Variants in GPC6 observed in about 807,000 individuals in gnomAD.
GPC6 encodes the protein glypican 6.
In GPC6, 14 loss-of-function variants were observed where a neutral mutation model predicts 55.2. That is an observed-to-expected ratio of 0.25 (90% CI 0.17 to 0.40). GPC6 has a LOEUF of 0.40. GPC6 is among the 10% of genes least tolerant of loss of function. The pLI is 1.00. For missense variants in GPC6, 641 were observed against 708.5 expected, an observed-to-expected ratio of 0.90 and a Z score of 1.08; for synonymous variants, 278 against 259.6, an observed-to-expected ratio of 1.07 and a Z score of -0.68.
At chr13:94,153,752 T>C (rs1887828285) in intron 4 of GPC6, among the ~76,000 whole-genome samples, 1 of 152,194 alleles carries the variant, frequency 6.6e-6, no homozygotes, top group Non-Finnish European at 1.5e-5. Flanking sequence ...CCGCATTACT[T>C]GGGAGCTTGT....
intron 2 of GPC6, among the ~76,000 whole-genome samples, chr13:93,674,929 A>G (rs1881525694): frequency 6.6e-6 from 1 of 152,176 alleles, no homozygotes; most frequent in South Asian, 2.1e-4. Context: ...TGTTAATTCA[A>G]AGTCTAAAAA....
At chr13:93,665,281 A>G (rs1881086744) in intron 2 of GPC6, among the ~76,000 whole-genome samples, 3 of 152,244 alleles carry the variant, frequency 2.0e-5, no homozygotes, top group Admixed American at 2.0e-4. Flanking sequence ...CATGCAAAAT[A>G]ATTGAACTGA....
upstream of GPC6, among the ~76,000 whole-genome samples, chr13:93,224,059 C>G (rs1422986894): frequency 1.3e-5 from 2 of 151,922 alleles, no homozygotes; most frequent in Non-Finnish European, 1.5e-5. Flanking sequence ...CCACCACACC[C>G]GTCTAATTTT....
chr13:93,776,157 A>G (rs1241240902), intron 2 of GPC6, among the ~76,000 whole-genome samples: 2 of 151,976 alleles, frequency 1.3e-5, no homozygotes, highest in Non-Finnish European at 2.9e-5. Context: ...CTACATAAAA[A>G]TAGTACAATC....
chr13:93,553,694 CAAA>C (rs34521652), intron 2 of GPC6, among the ~76,000 whole-genome samples: 7 of 56,662 alleles, frequency 1.2e-4, no homozygotes, highest in African/African-American at 3.4e-4. Flanking sequence ...GACTCCATCT[CAAA>C]AAAAAAAAAA....
intron 2 of GPC6, among the ~76,000 whole-genome samples, chr13:93,710,712 T>A (rs1883025986): frequency 7.0e-6 from 1 of 143,284 alleles, no homozygotes; most frequent in Admixed American, 7.0e-5. Flanking sequence ...AAAAATATGG[T>A]CTGTATGAAG....
At chr13:93,701,035 G>C (rs776687409) in intron 2 of GPC6, among the ~76,000 whole-genome samples, 1 of 152,054 alleles carries the variant, frequency 6.6e-6, no homozygotes, top group African/African-American at 2.4e-5. Flanking sequence ...AAGTGCAAAT[G>C]TTAGAAATTA....
chr13:93,883,566 A>T (rs1392147791), intron 3 of GPC6, among the ~76,000 whole-genome samples: 2 of 151,946 alleles, frequency 1.3e-5, no homozygotes, highest in Admixed American at 1.3e-4. Flanking sequence ...GATGTTGAGC[A>T]TTTTTTCATA....
intron 1 of GPC6, among the ~76,000 whole-genome samples, chr13:93,368,531 A>T (rs897296926): frequency 6.6e-6 from 1 of 151,916 alleles, no homozygotes; most frequent in African/African-American, 2.4e-5. Flanking sequence ...AAAGACATGG[A>T]TTTCATTTAT....
intron 4 of GPC6, among the ~76,000 whole-genome samples, chr13:94,157,593 C>T (rs139539105): frequency 9.1e-4 from 139 of 152,272 alleles, no homozygotes; most frequent in Middle Eastern, 3.4e-3. Context: ...GAAATAACTA[C>T]GGCTGGAAAA....
At chr13:93,908,412 T>G (rs188197613) in intron 3 of GPC6, among the ~76,000 whole-genome samples, 1 of 152,344 alleles carries the variant, frequency 6.6e-6, no homozygotes, top group East Asian at 1.9e-4. Flanking sequence ...ACAGGTCATG[T>G]ACTGACTAAA....
intron 2 of GPC6, among the ~76,000 whole-genome samples, chr13:93,741,326 A>G (rs1884194202): frequency 6.6e-6 from 1 of 151,934 alleles, no homozygotes; most frequent in Non-Finnish European, 1.5e-5. Context: ...TGTGTTAGCC[A>G]GGATGGTCTC....
chr13:93,698,720 T>A (rs1882562280), intron 2 of GPC6, among the ~76,000 whole-genome samples: 1 of 152,024 alleles, frequency 6.6e-6, no homozygotes, highest in African/African-American at 2.4e-5. Context: ...ATTTACTTAC[T>A]CACTTACCGA....
chr13:93,563,215 A>G (rs1451007958), intron 2 of GPC6, among the ~76,000 whole-genome samples: 1 of 152,140 alleles, frequency 6.6e-6, no homozygotes, highest in African/African-American at 2.4e-5. Flanking sequence ...ATGAAAAAAA[A>G]TGAAAATCTT....
intron 4 of GPC6, among the ~76,000 whole-genome samples, chr13:94,283,937 C>T (rs1337975747): frequency 6.6e-6 from 1 of 152,218 alleles, no homozygotes. Context: ...TCACTGGTTT[C>T]AGAGAAACTT....
chr13:93,245,819 G>A (rs1876585344), intron 1 of GPC6, among the ~76,000 whole-genome samples: 1 of 152,208 alleles, frequency 6.6e-6, no homozygotes, highest in South Asian at 2.1e-4. Flanking sequence ...GTTTACATGA[G>A]CCCCTAGGGG....
intron 3 of GPC6, among the ~76,000 whole-genome samples, chr13:93,837,961 G>A (rs1887802373): frequency 1.3e-5 from 2 of 152,194 alleles, no homozygotes; most frequent in South Asian, 2.1e-4. Context: ...AAAGTACAAA[G>A]CAATGATTTG....
chr13:93,474,038 C>G, intron 1 of GPC6, among the ~76,000 whole-genome samples: 1 of 152,242 alleles, frequency 6.6e-6, no homozygotes, highest in East Asian at 1.9e-4. Flanking sequence ...ATGGCAGCAG[C>G]TGCTCCGGAT....
At chr13:93,791,125 A>G (rs1288560382) in intron 2 of GPC6, among the ~76,000 whole-genome samples, 1 of 152,176 alleles carries the variant, frequency 6.6e-6, no homozygotes, top group Non-Finnish European at 1.5e-5. Flanking sequence ...TGATTCATTC[A>G]TCGATGAATG....
Sources: gnomAD v4.1 joint callset for allele counts (sites outside exome capture counted in the v4.1 genomes callset) on GRCh38, gnomAD v4.1.1 for gene constraint, MANE v1.5 for transcripts, NCBI Gene and HGNC (gene_info 2026-07-23, HGNC 2026-07-21) for gene names.